The following ENPP2 variants were observed in gnomAD, a reference collection of about 807,000 sequenced individuals.
ENPP2 encodes the protein autotaxin.
A neutral mutation model predicts 120.2 loss-of-function variants in ENPP2; 51 were observed. The ratio of observed to expected loss-of-function variants is 0.42; its 90% CI spans 0.34 to 0.54. The LOEUF (loss-of-function observed/expected upper bound fraction) is 0.54. ENPP2 is among the 20% of genes least tolerant of loss of function. The probability of loss-of-function intolerance (pLI) is 0.04; values close to 1 mark genes in which losing one functional copy is unlikely to be tolerated. For missense variants in ENPP2, 920 were observed against 1,066.5 expected (o/e 0.86, Z 1.91); for synonymous variants, 365 against 366.4 (o/e 1.00, Z 0.04).
chr8:119,571,734 C>G (rs920919143), intron 19 of ENPP2: 3 of 153,094 alleles, frequency 2.0e-5, no homozygotes, highest in Admixed American at 1.9e-4. Context: ...ATTCACAATT[C>G]CTTAAGTGAT....
intron 18 of ENPP2, among the ~76,000 whole-genome samples, chr8:119,582,187 C>G (rs2130310952): frequency 6.6e-6 from 1 of 152,328 alleles, no homozygotes; most frequent in Admixed American, 6.5e-5. Context: ...TACTTTTTGT[C>G]TTTCATGGTC....
intron 18 of ENPP2, among the ~76,000 whole-genome samples, chr8:119,582,078 G>A (rs756951917): frequency 8.5e-5 from 13 of 152,156 alleles, no homozygotes; most frequent in South Asian, 4.1e-4. Flanking sequence ...CCTGTCTCCC[G>A]TCGGGACCAT....
chr8:119,610,411 A>T (rs1474547139), intron 8 of ENPP2, among the ~76,000 whole-genome samples: 1 of 152,008 alleles, frequency 6.6e-6, no homozygotes, highest in African/African-American at 2.4e-5. Context: ...TGAAAAGCAC[A>T]TTTTCCCAAG....
chr8:119,643,195 A>G (rs1817334790), upstream of ENPP2, among the ~76,000 whole-genome samples: 1 of 152,206 alleles, frequency 6.6e-6, no homozygotes, highest in Non-Finnish European at 1.5e-5. Flanking sequence ...GTGGTTGAGA[A>G]CTATTAGAAA....
Position 119,569,257 on chromosome 8 carries a change from G to A in ENPP2, c.2031C>T (p.Ser677=). ...CLAYKNDKQM[S]YGFLFPPYLS... is the part of the protein sequence containing the mutation. Reference sequence around the variant, plus strand: ...TACAAGGAGGAAAGAGGAATCCGTAGGACATCTGCTTATCATTTTTGTAGG... The same window carrying A: ...TACAAGGAGGAAAGAGGAATCCGTAAGACATCTGCTTATCATTTTTGTAGG... The change falls in exon 21 of 25, where the codon TCC becomes TCT. Residue 677 remains serine (S), a synonymous_variant. Transcript: ENST00000075322. 1 of 1,614,028 alleles carries A rather than the reference G, an allele frequency of 6.2e-7. No homozygotes were observed. Among genetic ancestry groups the A allele is most frequent in the Non-Finnish European group, 8.5e-7 (1 of 1,179,930 alleles).
chr8:119,661,854 G>A (rs1468068111), intron 1 of ENPP2, among the ~76,000 whole-genome samples: 1 of 152,130 alleles, frequency 6.6e-6, no homozygotes, highest in Admixed American at 6.6e-5. Context: ...AAGAATGACA[G>A]CCTGTCATTT....
At chr8:119,644,705 C>G (rs117415709) in intron 1 of ENPP2, among the ~76,000 whole-genome samples, 1,811 of 145,252 alleles carry the variant, frequency 0.012, 19 homozygotes, top group Non-Finnish European at 0.02. Context: ...ACTTTAAACA[C>G]TAAAAATGCA....
chr8:119,631,293 T>C (rs1446797441), intron 2 of ENPP2, among the ~76,000 whole-genome samples: 1 of 130,268 alleles, frequency 7.7e-6, no homozygotes, highest in Non-Finnish European at 1.6e-5. Flanking sequence ...CTTGGCTCAC[T>C]ACAAGCTCTG....
chr8:119,560,959 T>TA (rs1394684897), intron 24 of ENPP2, among the ~76,000 whole-genome samples: 5 of 152,306 alleles, frequency 3.3e-5, no homozygotes, highest in African/African-American at 1.2e-4. Flanking sequence ...GACCTACACA[T>TA]AATCGGATCA....
intron 1 of ENPP2, among the ~76,000 whole-genome samples, chr8:119,664,295 C>T (rs1391632614): frequency 6.6e-6 from 1 of 152,130 alleles, no homozygotes; most frequent in Non-Finnish European, 1.5e-5. Flanking sequence ...TCAGGAGATC[C>T]ATGTTTGAGT....
chr8:119,617,236 A>T lies in ENPP2; in HGVS notation c.585T>A (p.Cys195Ter). 1.2e-6 allele frequency: 2 copies of T among 1,612,500 alleles called. No homozygotes were observed. The highest frequency in any genetic ancestry group is 1.7e-6 in the Non-Finnish European group (2 of 1,178,514). Reference protein sequence around the residue: ...VMPNIEKLRSCGTHSPYMRPV... With the variant: ...VMPNIEKLRS ...GCCTCATGTAGGGAGAGTGTGTGCC[A>T]CAAGACCCTGGAAAGAGAATTGCAA... Residue 195 changes from cysteine (C) to a stop codon, truncating the protein, a stop_gained, in exon 7 of 25, where the codon TGT (cysteine) becomes TGA (stop). Transcript: ENST00000075322. LOFTEE classifies it high-confidence loss of function.
chr8:119,640,175 C>G (rs1275532277), upstream of ENPP2, among the ~76,000 whole-genome samples: 1 of 152,136 alleles, frequency 6.6e-6, no homozygotes, highest in African/African-American at 2.4e-5. Flanking sequence ...CACATACTGC[C>G]AAACTGTTAA....
chr8:119,602,457 CA>C (rs57298494), intron 9 of ENPP2, among the ~76,000 whole-genome samples: 192 of 122,970 alleles, frequency 1.6e-3, no homozygotes, highest in Admixed American at 3.7e-3. Flanking sequence ...AACTCTGTCT[CA>C]AAAAAAAAAA....
intron 1 of ENPP2, among the ~76,000 whole-genome samples, chr8:119,671,735 G>A (rs1042637027): frequency 4.6e-5 from 7 of 152,152 alleles, no homozygotes; most frequent in Non-Finnish European, 8.8e-5. Context: ...ATTAGGCTAC[G>A]TTTGGGAGAC....
chr8:119,669,207 A>T (rs1291598564), intron 1 of ENPP2, among the ~76,000 whole-genome samples: 3 of 152,304 alleles, frequency 2.0e-5, no homozygotes, highest in African/African-American at 7.2e-5. Flanking sequence ...TCTGTTAATC[A>T]GCTCTCCTTT....
chr8:119,617,291 G>T, intron 6 of ENPP2, 48 bp from the exon 7 acceptor site: 3 of 1,454,414 alleles, frequency 2.1e-6, no homozygotes, highest in East Asian at 2.3e-5. Context: ...AACAGGAATT[G>T]CTTATAGAAA....
chr8:119,578,876 G>A (rs1442877558), intron 19 of ENPP2, among the ~76,000 whole-genome samples: 2 of 152,146 alleles, frequency 1.3e-5, no homozygotes, highest in African/African-American at 2.4e-5. Flanking sequence ...TTTAAAAGAG[G>A]AAAAATAAGT....
rs879165772 is a variant in ENPP2 at position 119,582,367 on chromosome 8, T to C, written c.1728+51A>G. 3 of 1,443,912 alleles carry C rather than the reference T, an allele frequency of 2.1e-6. No individual in the cohort carries two copies. The South Asian group carries it at 3.6e-5, about 17-fold the overall frequency. The allele number at this position is 1,443,912 out of a possible 1,614,324, so 89.4% of individuals were successfully genotyped here. On this transcript the variant is annotated intron_variant, in intron 18 of 24. Transcript: ENST00000075322. Reference sequence around the variant, plus strand: ...CACAGAAAGTTCTATGGGCCAGCACTGTTAGCCACCCAACAAACTTCTCCA... The same window carrying C: ...CACAGAAAGTTCTATGGGCCAGCACCGTTAGCCACCCAACAAACTTCTCCA...
At chr8:119,604,967 G>A (rs983307639) in intron 9 of ENPP2, among the ~76,000 whole-genome samples, 1 of 151,956 alleles carries the variant, frequency 6.6e-6, no homozygotes, top group African/African-American at 2.4e-5. Flanking sequence ...TAGAGAGGGG[G>A]TTTCACCGTG....
Sources: gnomAD v4.1 joint callset for allele counts (sites outside exome capture counted in the v4.1 genomes callset) on GRCh38, gnomAD v4.1.1 for gene constraint, MANE v1.5 for transcripts, NCBI Gene and HGNC (gene_info 2026-07-23, HGNC 2026-07-21) for gene names.